TAB2: variants seen among roughly 807,000 people sequenced by gnomAD.
TAB2 encodes the protein TGF-beta-activated kinase 1 and MAP3K7-binding protein 2.
TAB2 carries 3 observed loss-of-function variants against 65.0 expected under a neutral mutation model. That is an observed-to-expected ratio of 0.05 (90% CI 0.02 to 0.12). The LOEUF is 0.12. TAB2 is among the 10% of genes least tolerant of loss of function. TAB2 has a pLI of 1.00. For synonymous variants in TAB2, 298 were observed against 285.1 expected, an observed-to-expected ratio of 1.05 and a Z score of -0.46; for missense variants, 623 against 840.3, an observed-to-expected ratio of 0.74 and a Z score of 3.20.
At chr6:149,379,610 A>G in intron 3 of TAB2, 92 bp downstream of exon 3, 2 of 1,236,114 alleles carry the variant, frequency 1.6e-6, no homozygotes, top group South Asian at 1.2e-5. Flanking sequence ...TAGCATTGTT[A>G]TTTCATTGTT....
chr6:149,364,379 ACCATGCTC>A (rs1015310080), intron 1 of TAB2, among the ~76,000 whole-genome samples: 5 of 152,098 alleles, frequency 3.3e-5, no homozygotes, highest in African/African-American at 1.2e-4. Flanking sequence ...TTCCCAATGT[ACCATGCTC>A]CCATGCTCTG....
rs151013038 is a variant in TAB2 at position 149,221,607 on chromosome 6, T to C, written c.-121+2831T>C. On this transcript the variant is annotated intron_variant, in intron 1 of 1. Coordinates refer to the TAB2 transcript ENST00000606202. Reference sequence around the variant, plus strand: ...AAAAGCCAGGCTTTTTCTGTCCCTGTCCTTCTCACAGTGAAACACTTAACG... The same window carrying C: ...AAAAGCCAGGCTTTTTCTGTCCCTGCCCTTCTCACAGTGAAACACTTAACG... 5.2e-3 allele frequency among the ~76,000 whole-genome samples: 788 copies of C among 152,336 alleles called. 9 individuals are homozygous for C. Among genetic ancestry groups the C allele is most frequent in the African/African-American group, 0.018 (761 of 41,582 alleles).
chr6:149,225,877 G>A (rs150959731), intron 1 of TAB2, among the ~76,000 whole-genome samples: 24 of 151,892 alleles, frequency 1.6e-4, no homozygotes, highest in Non-Finnish European at 2.1e-4. Context: ...TTTGAGAAGC[G>A]GAATACTAAC....
At chr6:149,250,506 A>G (rs1306794875) in intron 1 of TAB2, among the ~76,000 whole-genome samples, 1 of 152,088 alleles carries the variant, frequency 6.6e-6, no homozygotes, top group Non-Finnish European at 1.5e-5. Context: ...GGGTTTCACC[A>G]TGTTCCCCAT....
At chr6:149,339,884 C>T (rs1234571086) in intron 1 of TAB2, among the ~76,000 whole-genome samples, 4 of 152,014 alleles carry the variant, frequency 2.6e-5, no homozygotes, top group South Asian at 2.1e-4. Context: ...CCACCATGCC[C>T]GGCCTCAATA....
At chr6:149,406,806 C>T (rs905694612) in intron 6 of TAB2, among the ~76,000 whole-genome samples, 4 of 152,140 alleles carry the variant, frequency 2.6e-5, no homozygotes, top group African/African-American at 4.8e-5. Flanking sequence ...ACAACCTCTG[C>T]CTCCCAGGTT....
At chr6:149,236,253 C>T (rs772956064) in intron 1 of TAB2, among the ~76,000 whole-genome samples, 1 of 152,100 alleles carries the variant, frequency 6.6e-6, no homozygotes, top group African/African-American at 2.4e-5. Flanking sequence ...TAAAATGGTC[C>T]AGGAATATAA....
chr6:149,306,993 G>A (rs1241019869), intron 1 of TAB2, among the ~76,000 whole-genome samples: 1 of 152,102 alleles, frequency 6.6e-6, no homozygotes, highest in African/African-American at 2.4e-5. Context: ...TGTCGATTTT[G>A]TTTTCTAAAC....
chr6:149,340,975 C>T (rs759896341), intron 1 of TAB2, among the ~76,000 whole-genome samples: 6 of 151,986 alleles, frequency 3.9e-5, no homozygotes, highest in Non-Finnish European at 8.8e-5. Context: ...GTGTGGAACC[C>T]ACTGTTCTAT....
At chr6:149,403,325 T>C (rs1186539033) in intron 6 of TAB2, among the ~76,000 whole-genome samples, 8 of 56,478 alleles carry the variant, frequency 1.4e-4, no homozygotes, top group East Asian at 4.4e-4. Flanking sequence ...CACACACATA[T>C]ATATACATAT....
At chr6:149,326,299 A>G (rs943054389) in intron 1 of TAB2, among the ~76,000 whole-genome samples, 1 of 151,830 alleles carries the variant, frequency 6.6e-6, no homozygotes, top group African/African-American at 2.4e-5. Flanking sequence ...AAGACAGTTT[A>G]AAAAAGTCAT....
intron 1 of TAB2, chr6:149,318,925 G>A (rs1185998917): frequency 6.6e-6 from 1 of 152,226 alleles, no homozygotes; most frequent in Non-Finnish European, 1.5e-5. Context: ...CCAGGAGAGC[G>A]GAGGGAATTT....
chr6:149,223,835 C>T (rs1777209862), intron 1 of TAB2, among the ~76,000 whole-genome samples: 1 of 151,980 alleles, frequency 6.6e-6, no homozygotes, highest in African/African-American at 2.4e-5. Context: ...AAAGCATCAG[C>T]AGCTGAGGCT....
In TAB2 at chr6:149,237,602, C is replaced by G. The variant is rs1777518435; in HGVS notation, c.-121+18826C>G. 2.6e-5 allele frequency among the ~76,000 whole-genome samples: 4 copies of G among 152,210 alleles called. 1 individual carries two copies. Among genetic ancestry groups the G allele is most frequent in the Admixed American group, 2.6e-4 (4 of 15,288 alleles). ...AAAACCTTCAATGGCTTCCTAAGACCCATGCTTTAACAACAAACCCCTCAT... is the reference window on the plus strand; with the variant it reads ...AAAACCTTCAATGGCTTCCTAAGACGCATGCTTTAACAACAAACCCCTCAT... On this transcript the variant is annotated intron_variant, in intron 1 of 1. Transcript: ENST00000606202.
At chr6:149,306,557 CAAAAAAAAAAAAAAAACA>C (rs1261586089) in intron 1 of TAB2, among the ~76,000 whole-genome samples, 3 of 108,610 alleles carry the variant, frequency 2.8e-5, no homozygotes, top group African/African-American at 9.2e-5. Flanking sequence ...GACTCCGTCT[CAAAAAAAAAAAAAAAACA>C]AAAAACAAAA....
chr6:149,346,004 G>C (rs768753737), intron 1 of TAB2, among the ~76,000 whole-genome samples: 5 of 152,108 alleles, frequency 3.3e-5, no homozygotes, highest in Non-Finnish European at 7.4e-5. Context: ...TGGCCATTGA[G>C]GTTGTTTTTA....
intron 2 of TAB2, among the ~76,000 whole-genome samples, chr6:149,370,564 G>C (rs1393780442): frequency 6.6e-6 from 1 of 152,044 alleles, no homozygotes; most frequent in Non-Finnish European, 1.5e-5. Flanking sequence ...AAAAGAGTTT[G>C]ACTAGACAAT....
intron 1 of TAB2, among the ~76,000 whole-genome samples, chr6:149,322,965 G>A (rs1464958944): frequency 6.6e-6 from 1 of 152,110 alleles, no homozygotes; most frequent in Non-Finnish European, 1.5e-5. Context: ...TTTTTAGACT[G>A]GAAGATCACG....
At chr6:149,276,661 A>G (rs1778479644) in intron 1 of TAB2, among the ~76,000 whole-genome samples, 1 of 152,232 alleles carries the variant, frequency 6.6e-6, no homozygotes, top group South Asian at 2.1e-4. Context: ...TAAAAACCCA[A>G]AAGTGATATT....
Sources: gnomAD v4.1 joint callset for allele counts (sites outside exome capture counted in the v4.1 genomes callset) on GRCh38, gnomAD v4.1.1 for gene constraint, MANE v1.5 for transcripts, NCBI Gene and HGNC (gene_info 2026-07-23, HGNC 2026-07-21) for gene names.